Variants in RARB observed in about 807,000 individuals in gnomAD.
RARB encodes the protein retinoic acid receptor beta, also known as HBV-activated protein.
Under a neutral mutation model 51.9 loss-of-function variants are expected in RARB, and 17 were observed. The observed-to-expected ratio is 0.33, with a 90% confidence interval of 0.22 to 0.49. RARB has a LOEUF of 0.49. Ranked by LOEUF, RARB falls within the 20% of genes least tolerant of loss-of-function variation. The pLI is 0.99. For synonymous variants in RARB, 215 were observed against 195.4 expected (o/e 1.10, Z -0.84); for missense variants, 369 against 550.8 (o/e 0.67, Z 3.30).
At chr3:25,018,291 T>G (rs984393147) in intron 2 of RARB, among the ~76,000 whole-genome samples, 4 of 152,140 alleles carry the variant, frequency 2.6e-5, no homozygotes, top group Non-Finnish European at 5.9e-5. Flanking sequence ...GATAGGCAGG[T>G]AGATGTATTG....
At chr3:25,380,381 A>T (rs897999077) in intron 5 of RARB, among the ~76,000 whole-genome samples, 3 of 151,944 alleles carry the variant, frequency 2.0e-5, no homozygotes, top group Non-Finnish European at 4.4e-5. Flanking sequence ...CTCCAGAGTG[A>T]CCCCAACTCG....
chr3:24,934,114 A>G (rs533852612), intron 2 of RARB, among the ~76,000 whole-genome samples: 1 of 152,228 alleles, frequency 6.6e-6, no homozygotes, highest in East Asian at 1.9e-4. Flanking sequence ...TATTTTGCCA[A>G]GAGGTATTGC....
chr3:25,455,952 G>A (rs867028688), intron 1 of RARB, among the ~76,000 whole-genome samples: 2 of 152,190 alleles, frequency 1.3e-5, no homozygotes, highest in African/African-American at 4.8e-5. Flanking sequence ...ATCACATCAG[G>A]ATGGCTGCAG....
chr3:25,390,205 C>T (rs1490182008), intron 5 of RARB, among the ~76,000 whole-genome samples: 1 of 152,022 alleles, frequency 6.6e-6, no homozygotes, highest in Non-Finnish European at 1.5e-5. Flanking sequence ...ATAAAAGAGG[C>T]CTGAAAGCCA....
intron 5 of RARB, among the ~76,000 whole-genome samples, chr3:25,252,380 TA>T (rs547710427): frequency 6.6e-6 from 1 of 152,140 alleles, no homozygotes; most frequent in Non-Finnish European, 1.5e-5. Context: ...TCAATTTCTG[TA>T]AAAAAACCAG....
chr3:25,067,330 G>A (rs1002175192), intron 3 of RARB, among the ~76,000 whole-genome samples: 1 of 152,176 alleles, frequency 6.6e-6, no homozygotes, highest in Non-Finnish European at 1.5e-5. Flanking sequence ...TTGAAAAGAA[G>A]CAGAGAAGTA....
At chr3:25,066,902 C>G (rs186952018) in intron 3 of RARB, among the ~76,000 whole-genome samples, 4 of 152,276 alleles carry the variant, frequency 2.6e-5, no homozygotes, top group Admixed American at 2.0e-4. Context: ...ATTCACGGTG[C>G]TGAAGCAGAA....
At position 25,544,048 on chromosome 3, in the gene RARB, A is replaced by G. The variant is rs1042443025; in HGVS notation, c.449-25710A>G. On this transcript the variant is annotated intron_variant, in intron 3 of 7. Transcript: ENST00000330688. The stretch of plus-strand genomic sequence containing the variant: ...AAGGACTGACGGGAAAAGAATGGCT[A>G]TACAAAATTAATTCACACTCATAGA... Among the ~76,000 whole-genome samples the G allele has an allele frequency of 2.1e-4, 32 of 152,370 alleles. No homozygotes were observed. In the Middle Eastern group the frequency reaches 0.01, roughly 49 times the overall value.
intron 2 of RARB, among the ~76,000 whole-genome samples, chr3:24,876,370 TAATTCACATTTTTTCCTAC>T (rs1335266296): frequency 6.6e-6 from 1 of 152,084 alleles, no homozygotes; most frequent in Non-Finnish European, 1.5e-5. Flanking sequence ...TCTTCTATAT[TAATTCACATTTTTTCCTAC>T]AATTAAGAGA....
At chr3:25,218,310 C>T (rs1022577100) in intron 5 of RARB, among the ~76,000 whole-genome samples, 6 of 151,778 alleles carry the variant, frequency 4.0e-5, no homozygotes, top group African/African-American at 1.2e-4. Context: ...TGTGTGTGCG[C>T]GCGTGTGCAC....
chr3:25,537,336 A>G (rs1699182290), intron 3 of RARB, among the ~76,000 whole-genome samples: 1 of 152,176 alleles, frequency 6.6e-6, no homozygotes, highest in African/African-American at 2.4e-5. Context: ...TCAACTGTAT[A>G]TAGTTCTTCC....
At chr3:24,984,122 A>C (rs1331864518) in intron 2 of RARB, among the ~76,000 whole-genome samples, 1 of 152,200 alleles carries the variant, frequency 6.6e-6, no homozygotes, top group Non-Finnish European at 1.5e-5. Context: ...TACAATGATC[A>C]AGTAATTCTT....
At chr3:25,377,640 T>C (rs948094400) in intron 5 of RARB, among the ~76,000 whole-genome samples, 24 of 152,182 alleles carry the variant, frequency 1.6e-4, no homozygotes, top group Admixed American at 1.4e-3. Context: ...TATAAGCATT[T>C]AGTTGGGATT....
At chr3:25,454,274 T>C (rs976829941) in intron 1 of RARB, among the ~76,000 whole-genome samples, 1 of 152,254 alleles carries the variant, frequency 6.6e-6, no homozygotes, top group Non-Finnish European at 1.5e-5. Context: ...GTATGTGAGC[T>C]GTAGGCTTTG....
chr3:25,309,137 T>C (rs941851448), intron 5 of RARB, among the ~76,000 whole-genome samples: 1 of 120,974 alleles, frequency 8.3e-6, no homozygotes, highest in Admixed American at 8.2e-5. Flanking sequence ...CCATTTTTTT[T>C]TTTTTTTTTT....
chr3:24,892,380 C>G (rs1575057528), intron 2 of RARB, among the ~76,000 whole-genome samples: 1 of 152,038 alleles, frequency 6.6e-6, no homozygotes, highest in East Asian at 1.9e-4. Context: ...CTGGGTAAAG[C>G]TTAGTCCAGT....
intron 1 of RARB, among the ~76,000 whole-genome samples, chr3:24,848,010 C>G (rs901193509): frequency 1.6e-4 from 24 of 152,200 alleles, no homozygotes; most frequent in African/African-American, 5.5e-4. Context: ...GTTTTGCCTT[C>G]AAATATAAAG....
At chr3:25,118,297 G>A (rs1299321790) in intron 3 of RARB, among the ~76,000 whole-genome samples, 1 of 152,184 alleles carries the variant, frequency 6.6e-6, no homozygotes, top group Admixed American at 6.5e-5. Flanking sequence ...GGGGGAAAAA[G>A]GCATTTTTTC....
chr3:25,178,141 G>A (rs1037156997), intron 5 of RARB, among the ~76,000 whole-genome samples: 3 of 151,880 alleles, frequency 2.0e-5, no homozygotes, highest in East Asian at 1.9e-4. Context: ...CCACTTTTCC[G>A]AAGGTCTGTT....
Sources: allele counts gnomAD v4.1 joint callset (sites outside exome capture counted in the v4.1 genomes callset), GRCh38; gene constraint gnomAD v4.1.1; transcripts MANE v1.5; gene names NCBI Gene and HGNC (gene_info 2026-07-23, HGNC 2026-07-21).